Variants in FMNL3 observed in about 807,000 individuals in gnomAD.
The protein encoded by FMNL3 is formin-like protein 3.
In FMNL3, 57 loss-of-function variants were observed where a neutral mutation model predicts 119.6. That is an observed-to-expected ratio of 0.48 (90% CI 0.39 to 0.59). The LOEUF is 0.59. Ranked by LOEUF, FMNL3 falls within the 20% of genes least tolerant of loss-of-function variation. FMNL3 has a pLI of 0.00. For missense variants in FMNL3, 1,053 were observed against 1,323.5 expected, an observed-to-expected ratio of 0.80 and a Z score of 3.17; for synonymous variants, 491 against 507.3, an observed-to-expected ratio of 0.97 and a Z score of 0.43.
chr12:49,671,104 C>T (rs1944033751), intron 1 of FMNL3, among the ~76,000 whole-genome samples: 4 of 152,254 alleles, frequency 2.6e-5, no homozygotes, highest in Admixed American at 2.6e-4. Flanking sequence ...ACATCACATC[C>T]TGTCTATGCC....
intron 1 of FMNL3, among the ~76,000 whole-genome samples, chr12:49,674,296 A>G (rs1944125457): frequency 6.6e-6 from 1 of 152,220 alleles, no homozygotes; most frequent in African/African-American, 2.4e-5. Context: ...AACAGTCAAT[A>G]ACACTTGGCC....
At position 49,707,296 on chromosome 12, in the gene FMNL3, C is replaced by G. The variant is rs1226439390; in HGVS notation, c.-116G>C. 9.5e-7 allele frequency: 1 copy of G among 1,049,954 alleles called. No homozygotes were observed. The highest frequency in any genetic ancestry group is 1.7e-5 in the African/African-American group (1 of 59,362). 65.0% of individuals were successfully genotyped at this position (1,049,954 alleles called of 1,614,324 possible). A position where few individuals can be genotyped will look rare whatever the true frequency, so the allele number is the denominator to read the frequency against. On this transcript the variant is annotated 5_prime_UTR_variant, in exon 1 of 26. Coordinates refer to ENST00000335154, the MANE Select transcript of FMNL3 (RefSeq NM_175736.5). ...GCCGGCTCCCCGAGTCCCGACTCCT[C>G]GGCCCCGTCGAGGGCGCCGGGGGTT...
intron 1 of FMNL3, among the ~76,000 whole-genome samples, chr12:49,696,097 C>A (rs1380272707): frequency 6.6e-6 from 1 of 152,090 alleles, no homozygotes; most frequent in African/African-American, 2.4e-5. Context: ...GGTTCTAGGA[C>A]CTCTCTAGAA....
intron 1 of FMNL3, chr12:49,688,524 G>A: frequency 2.2e-6 from 1 of 455,992 alleles, no homozygotes; most frequent in Non-Finnish European, 4.4e-6. Flanking sequence ...AATGTGCAAA[G>A]TTCTTTTCCA....
intron 17 of FMNL3, 65 bp downstream of exon 17, chr12:49,650,611 C>A (rs543185838): frequency 3.2e-6 from 5 of 1,560,686 alleles, no homozygotes; most frequent in Non-Finnish European, 4.4e-6. Flanking sequence ...GAAACCCAGG[C>A]TCCTGGGTGG....
At position 49,665,886 on chromosome 12, in the gene FMNL3, T is replaced by G; in HGVS notation, c.314A>C (p.Glu105Ala). Residue 105 changes from glutamate (E) to alanine (A), a missense_variant, in exon 4 of 26, where the codon GAG (glutamate) becomes GCG (alanine). Coordinates refer to ENST00000335154, the MANE Select transcript of FMNL3 (RefSeq NM_175736.5). ...CAGCTCCCTTAGTACTTTGGTTGAC[T>G]CCTGCACCCTCCTCCTGAACTTCTG... ...TRKKFRRRVQESTKVLRELEI... is the reference protein window; with the variant it reads ...TRKKFRRRVQASTKVLRELEI... The G allele has an allele frequency of 6.2e-7, 1 of 1,614,180 alleles. No individual in the cohort carries two copies. The highest frequency in any genetic ancestry group is 8.5e-7 in the Non-Finnish European group (1 of 1,180,030).
intron 1 of FMNL3, among the ~76,000 whole-genome samples, chr12:49,697,095 T>C (rs1944770788): frequency 6.6e-6 from 1 of 152,190 alleles, no homozygotes. Flanking sequence ...ACCCAAAAGA[T>C]TGAGAACTAC....
intron 1 of FMNL3, among the ~76,000 whole-genome samples, chr12:49,695,462 T>C (rs1944725962): frequency 1.3e-5 from 2 of 152,148 alleles, no homozygotes; most frequent in East Asian, 3.8e-4. Flanking sequence ...GCTGAGACCA[T>C]CCCCGCTTAG....
intron 1 of FMNL3, among the ~76,000 whole-genome samples, chr12:49,672,357 C>T (rs1307533246): frequency 6.6e-6 from 1 of 151,734 alleles, no homozygotes; most frequent in African/African-American, 2.4e-5. Flanking sequence ...AAAACAGTCA[C>T]AATAGGAGAT....
At chr12:49,676,529 T>G (rs1401028198) in intron 1 of FMNL3, among the ~76,000 whole-genome samples, 1 of 149,132 alleles carries the variant, frequency 6.7e-6, no homozygotes, top group Admixed American at 6.7e-5. Context: ...GGTTTTTTTT[T>G]TTTTTTTTTT....
Position 49,643,574 on chromosome 12 carries a change from T to C in FMNL3, c.*2241A>G, listed in dbSNP as rs766116754. ...GAAGCTGGAGAAGGAAAACTGGACT[T>C]AGACTTCCTCAGAGCATGAGGTTCC... On this transcript the variant is annotated 3_prime_UTR_variant, in exon 26 of 26. Coordinates refer to ENST00000335154, the MANE Select transcript of FMNL3 (RefSeq NM_175736.5). 3 of 1,379,306 alleles carry C rather than the reference T, an allele frequency of 2.2e-6. No individual in the cohort carries two copies. The highest frequency in any genetic ancestry group is 2.9e-6 in the Non-Finnish European group (3 of 1,020,076). 85.4% of individuals were successfully genotyped at this position (1,379,306 alleles called of 1,614,324 possible).
chr12:49,688,381 A>G (rs755701825), intron 1 of FMNL3: 1 of 455,896 alleles, frequency 2.2e-6, no homozygotes, highest in Admixed American at 2.4e-5. Flanking sequence ...AAGTTTCCCT[A>G]CAATTAATTT....
Position 49,644,525 on chromosome 12 carries a change from A to C in FMNL3, c.*1290T>G, listed in dbSNP as rs774452194. The stretch of plus-strand genomic sequence containing the variant: ...CTGTTGGACGCAGCCTGGGTGGCAG[A>C]GGGCAGGGTCATCACCCTCTAGCAT... On this transcript the variant is annotated 3_prime_UTR_variant, in exon 26 of 26. Coordinates refer to ENST00000335154, the MANE Select transcript of FMNL3 (RefSeq NM_175736.5). 10 of 344,396 alleles carry C rather than the reference A, an allele frequency of 2.9e-5. No individual in the cohort carries two copies. Among genetic ancestry groups the C allele is most frequent in the African/African-American group, 1.0e-4 (5 of 47,940 alleles). The allele number at this position is 344,396 out of a possible 1,614,324, so 21.3% of individuals were successfully genotyped here.
chr12:49,688,519 G>A, intron 1 of FMNL3: 1 of 455,990 alleles, frequency 2.2e-6, no homozygotes, highest in Non-Finnish European at 4.4e-6. Flanking sequence ...CCTCAAATGT[G>A]CAAAGTTCTT....
At chr12:49,656,233 A>C (rs1360921675) in intron 9 of FMNL3, among the ~76,000 whole-genome samples, 171 bp downstream of exon 9, 1 of 152,116 alleles carries the variant, frequency 6.6e-6, no homozygotes, top group Non-Finnish European at 1.5e-5. Context: ...AGATCTAGTA[A>C]GACTAAAGTT....
In FMNL3 at chr12:49,638,142, C is replaced by T. The variant is rs764586285; in HGVS notation, c.*7673G>A. 1.9e-4 allele frequency: 56 copies of T among 298,304 alleles called. No homozygotes were observed. Among genetic ancestry groups the T allele is most frequent in the South Asian group, 1.2e-3 (27 of 22,168 alleles). The allele number at this position is 298,304 out of a possible 1,614,324, so 18.5% of individuals were successfully genotyped here. ...TAGGTGGAAGAGGTTGGAGTGTACA[C>T]GGGGTACTAAGAGCAAAGGCAAGGG... On this transcript the variant is annotated 3_prime_UTR_variant, in exon 26 of 26. Transcript: ENST00000335154.
chr12:49,691,805 G>A (rs1351633725), intron 1 of FMNL3, among the ~76,000 whole-genome samples: 2 of 151,948 alleles, frequency 1.3e-5, no homozygotes, highest in African/African-American at 2.4e-5. Flanking sequence ...AGGCCAAGAC[G>A]GGTGGATCAT....
Position 49,645,350 on chromosome 12 carries a change from C to T in FMNL3, c.*465G>A, listed in dbSNP as rs1943136269. On this transcript the variant is annotated 3_prime_UTR_variant, in exon 26 of 26. Coordinates refer to ENST00000335154, the MANE Select transcript of FMNL3 (RefSeq NM_175736.5). ...TGGCACGGCCCATGCTTCAGAGGGCCTTGCTCCTGGTAAGAGATGAACTGA... is the reference window on the plus strand; with the variant it reads ...TGGCACGGCCCATGCTTCAGAGGGCTTTGCTCCTGGTAAGAGATGAACTGA... 1 of 154,344 alleles carries T rather than the reference C, an allele frequency of 6.5e-6. No homozygotes were observed. The highest frequency in any genetic ancestry group is 6.5e-5 in the Admixed American group (1 of 15,326). 9.6% of individuals were successfully genotyped at this position (154,344 alleles called of 1,614,324 possible).
intron 1 of FMNL3, among the ~76,000 whole-genome samples, chr12:49,699,918 T>C (rs1944856006): frequency 6.6e-6 from 1 of 152,242 alleles, no homozygotes; most frequent in Non-Finnish European, 1.5e-5. Context: ...ACATATACTA[T>C]CAGTGGAAAA....
Sources: allele counts gnomAD v4.1 joint callset (sites outside exome capture counted in the v4.1 genomes callset), GRCh38; gene constraint gnomAD v4.1.1; transcripts MANE v1.5; gene names NCBI Gene and HGNC (gene_info 2026-07-23, HGNC 2026-07-21).